Variants in PCCA observed in about 807,000 individuals in gnomAD.
PCCA encodes propionyl-CoA carboxylase subunit alpha.
PCCA carries 74 observed loss-of-function variants against 101.3 expected under a neutral mutation model. That is an observed-to-expected ratio of 0.73 (90% CI 0.61 to 0.89). The LOEUF (loss-of-function observed/expected upper bound fraction) is 0.89. Ranked by LOEUF, PCCA falls within the 40% of genes least tolerant of loss-of-function variation. The pLI is 0.00. For synonymous variants in PCCA, 294 were observed against 313.6 expected (o/e 0.94, Z 0.66); for missense variants, 891 against 907.0 (o/e 0.98, Z 0.23).
rs143736231 is a variant in PCCA, at chr13:100,133,106, G to A, written c.300+21045G>A. ...ATTTTAACCACTCTAATATGGTTTG[G>A]AAGTAGTATCTCATTGTGGTTTTAA... On this transcript the variant is annotated intron_variant, in intron 4 of 23. Coordinates refer to ENST00000376285, the MANE Select transcript of PCCA (RefSeq NM_000282.4). 4.4e-3 allele frequency among the ~76,000 whole-genome samples: 669 copies of A among 152,268 alleles called. 6 individuals carry two copies. The highest frequency in any genetic ancestry group is 0.015 in the African/African-American group (639 of 41,532).
intron 19 of PCCA, among the ~76,000 whole-genome samples, chr13:100,410,758 C>T (rs1019618387): frequency 6.6e-6 from 1 of 152,178 alleles, no homozygotes; most frequent in East Asian, 1.9e-4. Flanking sequence ...ACCTAGCACA[C>T]TCTTTTTTTT....
chr13:100,317,584 T>C (rs1321790287), intron 16 of PCCA, among the ~76,000 whole-genome samples: 1 of 151,848 alleles, frequency 6.6e-6, no homozygotes, highest in Admixed American at 6.6e-5. Context: ...CCCCATTCTT[T>C]GTAATTGTGG....
At chr13:100,204,613 T>G (rs2058742143) in intron 6 of PCCA, among the ~76,000 whole-genome samples, 1 of 152,256 alleles carries the variant, frequency 6.6e-6, no homozygotes, top group African/African-American at 2.4e-5. Context: ...ACAATGATTC[T>G]TTCTGTCCTT....
At position 100,527,566 on chromosome 13, in the gene PCCA, A is replaced by G. The variant is rs879018228; in HGVS notation, c.2041-109A>G. 5.2e-6 allele frequency: 4 copies of G among 768,094 alleles called. No homozygotes were observed. In the South Asian group the frequency reaches 5.6e-5, roughly 11 times the overall value. 47.6% of individuals were successfully genotyped at this position (768,094 alleles called of 1,614,324 possible). Reference sequence around the variant, plus strand: ...ATTAGAGATTGTTGCTGCTGTTCATAGACACATATTTTGGGGCATTTGACA... The same window carrying G: ...ATTAGAGATTGTTGCTGCTGTTCATGGACACATATTTTGGGGCATTTGACA... On this transcript the variant is annotated intron_variant, in intron 22 of 23. Coordinates refer to ENST00000376285, the MANE Select transcript of PCCA (RefSeq NM_000282.4).
chr13:100,451,882 C>T (rs1595955578), intron 21 of PCCA, among the ~76,000 whole-genome samples: 1 of 274 alleles, frequency 3.6e-3, no homozygotes, highest in East Asian at 0.083. Flanking sequence ...TCCTCTTCCT[C>T]TCCTCTCTCT....
chr13:100,162,671 C>T (rs1210161943), intron 6 of PCCA, among the ~76,000 whole-genome samples: 1 of 152,084 alleles, frequency 6.6e-6, no homozygotes, highest in Non-Finnish European at 1.5e-5. Context: ...CAAATCCTCA[C>T]TTGGATTTGC....
At position 100,366,404 on chromosome 13, in the gene PCCA, C is replaced by G. The variant is rs184323136; in HGVS notation, c.1644-2068C>G. ...TAGTAGACACTCCTCACAGTCTTTT[C>G]TACTTATCCCTCATCTCTTTGTCTC... On this transcript the variant is annotated intron_variant, in intron 18 of 23. Transcript: ENST00000376285. Among the ~76,000 whole-genome samples the G allele has an allele frequency of 2.6e-5, 4 of 152,256 alleles. No homozygotes were observed. The East Asian group carries it at 5.8e-4, about 22-fold the overall frequency.
At chr13:100,211,485 C>A (rs1204676267) in intron 7 of PCCA, among the ~76,000 whole-genome samples, 1 of 152,166 alleles carries the variant, frequency 6.6e-6, no homozygotes, top group Non-Finnish European at 1.5e-5. Flanking sequence ...ACATTTGAGT[C>A]TCTTGGTCAG....
chr13:100,272,226 T>A (rs1376312267), intron 11 of PCCA, among the ~76,000 whole-genome samples: 1 of 152,210 alleles, frequency 6.6e-6, no homozygotes, highest in Non-Finnish European at 1.5e-5. Context: ...TTGTGGCAGT[T>A]ATGTTCTCTA....
rs1242466744 is a variant in PCCA at position 100,488,633 on chromosome 13, G to GT, written c.1900-26784dup. On this transcript the variant is annotated intron_variant, in intron 21 of 23. Transcript: ENST00000376285. ...TCTACAAGTTTTGTTTTTTTGTTTT[G>GT]TTTTTTTTTTGTTTTTTTTTTTTAA... is the stretch of plus-strand genomic sequence containing the variant. 6.3e-3 allele frequency among the ~76,000 whole-genome samples: 395 copies of GT among 62,574 alleles called. 2 individuals carry two copies. Among genetic ancestry groups the GT allele is most frequent in the South Asian group, 0.015 (13 of 854 alleles). 41.1% of individuals were successfully genotyped at this position (62,574 alleles called of 152,430 possible). A position where few individuals can be genotyped will look rare whatever the true frequency, so the allele number is the denominator to read the frequency against.
intron 19 of PCCA, among the ~76,000 whole-genome samples, chr13:100,371,432 G>T (rs1595635793): frequency 6.6e-6 from 1 of 152,238 alleles, no homozygotes; most frequent in East Asian, 1.9e-4. Flanking sequence ...ATATGGAAGG[G>T]TATCTTGTGT....
chr13:100,521,300 C>T (rs1007052875), intron 22 of PCCA, among the ~76,000 whole-genome samples: 1 of 152,238 alleles, frequency 6.6e-6, no homozygotes, highest in African/African-American at 2.4e-5. Context: ...ACCAGGCAGA[C>T]GGCACGTGTG....
chr13:100,401,789 T>C (rs1215257483), intron 19 of PCCA, among the ~76,000 whole-genome samples: 1 of 152,166 alleles, frequency 6.6e-6, no homozygotes, highest in Non-Finnish European at 1.5e-5. Context: ...CTCCTTTCAG[T>C]TTGGGAGCAC....
chr13:100,397,330 A>G (rs77340625), intron 19 of PCCA, among the ~76,000 whole-genome samples: 4,829 of 152,218 alleles, frequency 0.032, 256 homozygotes, highest in African/African-American at 0.11. Flanking sequence ...TTTGTCATCT[A>G]TAAAATGTGG....
intron 7 of PCCA, among the ~76,000 whole-genome samples, chr13:100,210,760 A>G (rs1306848957): frequency 1.3e-5 from 2 of 152,146 alleles, no homozygotes. Context: ...TCGTATTGTT[A>G]CTTTTGGCAT....
At chr13:100,235,996 AT>A in intron 8 of PCCA, 118 bp downstream of exon 8, 1 of 721,092 alleles carries the variant, frequency 1.4e-6, no homozygotes. Context: ...TTAGATTTTG[AT>A]TACTTGTTGC....
intron 20 of PCCA, among the ~76,000 whole-genome samples, chr13:100,437,495 T>C (rs2080024264): frequency 1.3e-5 from 2 of 151,974 alleles, no homozygotes; most frequent in African/African-American, 4.8e-5. Context: ...AATATCATCA[T>C]TTAAGGAAAA....
intron 9 of PCCA, among the ~76,000 whole-genome samples, 198 bp downstream of exon 9, chr13:100,257,871 T>G (rs574213223): frequency 1.3e-5 from 2 of 152,336 alleles, no homozygotes; most frequent in South Asian, 4.1e-4. Flanking sequence ...TATCTTATTA[T>G]AGAAAGGGTT....
At chr13:100,212,515 G>A (rs1407468627) in intron 7 of PCCA, among the ~76,000 whole-genome samples, 3 of 152,076 alleles carry the variant, frequency 2.0e-5, no homozygotes, top group East Asian at 3.9e-4. Context: ...TAACAAATGC[G>A]ACTGTGGAGA....
Sources: allele counts gnomAD v4.1 joint callset (sites outside exome capture counted in the v4.1 genomes callset), GRCh38; gene constraint gnomAD v4.1.1; transcripts MANE v1.5; gene names NCBI Gene and HGNC (gene_info 2026-07-23, HGNC 2026-07-21).